PRAMEF20: variants seen among roughly 807,000 people sequenced by gnomAD.
The protein encoded by PRAMEF20 is PRAME family member 20/21.
Under a neutral mutation model 32.4 loss-of-function variants are expected in PRAMEF20, and 27 were observed. The ratio of observed to expected loss-of-function variants is 0.83; its 90% CI spans 0.61 to 1.15. The LOEUF (loss-of-function observed/expected upper bound fraction) is 1.15. Ranked by LOEUF, PRAMEF20 falls within the 50% of genes most tolerant of loss-of-function variation. The pLI is 0.00. For missense variants in PRAMEF20, 604 were observed against 584.5 expected (o/e 1.03, Z -0.34); for synonymous variants, 256 against 235.4 (o/e 1.09, Z -0.80).
At chr1:13,411,341 C>A in the PRAMEF20 span, among the ~76,000 whole-genome samples, 4 of 152,004 alleles carry the variant, frequency 2.6e-5, no homozygotes, top group South Asian at 2.1e-4. Flanking sequence ...CCCTCCCCCC[C>A]ACCGCCAAAA....
upstream of PRAMEF20, among the ~76,000 whole-genome samples, chr1:13,415,801 AAGGGAGGG>A (rs1265811170): frequency 2.2e-5 from 3 of 137,552 alleles, no homozygotes; most frequent in Admixed American, 7.2e-5. Flanking sequence ...AAAAAGAACA[AAGGGAGGG>A]AGGGAGGGAG....
chr1:13,421,082 A>G, exon 3 of PRAMEF20: 5 of 1,613,760 alleles, frequency 3.1e-6, no homozygotes, highest in Non-Finnish European at 4.2e-6. Context: ...CCCGCGGGAG[A>G]GTTATGATGT....
At chr1:13,419,641 G>T (rs1162620256) in intron 2 of PRAMEF20, among the ~76,000 whole-genome samples, 5 of 151,834 alleles carry the variant, frequency 3.3e-5, no homozygotes, top group African/African-American at 4.8e-5. Flanking sequence ...AGCCAGGATG[G>T]TCTCGATCTC....
intron 1 of PRAMEF20, among the ~76,000 whole-genome samples, chr1:13,417,908 A>ATGTGTG (rs1367279496): frequency 4.7e-5 from 2 of 42,510 alleles, no homozygotes; most frequent in East Asian, 9.2e-4. Context: ...CGCCCGGCTA[A>ATGTGTG]TTTGTGTGTG....
chr1:13,413,117 T>C (rs1224648252), upstream of PRAMEF20, among the ~76,000 whole-genome samples: 1 of 152,210 alleles, frequency 6.6e-6, no homozygotes, highest in Non-Finnish European at 1.5e-5. Context: ...TTCTGTCTAA[T>C]GTCAGGAAGA....
upstream of PRAMEF20, among the ~76,000 whole-genome samples, chr1:13,411,384 A>C (rs1641112702): frequency 6.6e-6 from 1 of 150,562 alleles, no homozygotes; most frequent in Non-Finnish European, 1.5e-5. Context: ...AACAATATCC[A>C]ATTAATTGAA....
chr1:13,419,951 C>T (rs1317359407), intron 2 of PRAMEF20, among the ~76,000 whole-genome samples: 1 of 152,056 alleles, frequency 6.6e-6, no homozygotes, highest in Non-Finnish European at 1.5e-5. Flanking sequence ...GGGTCAGGGA[C>T]CAGGCACAAA....
chr1:13,410,635 T>G, the PRAMEF20 span: 1 of 150,112 alleles, frequency 6.7e-6, no homozygotes, highest in East Asian at 2.0e-4. Context: ...TTTTTTTTTT[T>G]GTATGAACAA....
At chr1:13,411,496 T>C (rs997479698), upstream of PRAMEF20, among the ~76,000 whole-genome samples, 2 of 152,150 alleles carry the variant, frequency 1.3e-5, no homozygotes, top group African/African-American at 2.4e-5. Flanking sequence ...AATCCTACAA[T>C]TGCGGTTTTG....
At chr1:13,413,550 A>T (rs912768342), upstream of PRAMEF20, among the ~76,000 whole-genome samples, 1 of 151,996 alleles carries the variant, frequency 6.6e-6, no homozygotes, top group African/African-American at 2.4e-5. Flanking sequence ...TTTTTGGTAC[A>T]GATAGGGTTT....
the PRAMEF20 span, chr1:13,410,450 A>T: frequency 6.6e-6 from 1 of 151,894 alleles, no homozygotes; most frequent in Non-Finnish European, 1.5e-5. Context: ...CACAGGAGAG[A>T]CCCAAAGTCT....
chr1:13,418,614 C>A, exon 2 of PRAMEF20: 2 of 1,613,972 alleles, frequency 1.2e-6, no homozygotes, highest in Non-Finnish European at 1.7e-6. Flanking sequence ...CCCAGTTCAC[C>A]ACTCAGTTCC....
At chr1:13,414,197 A>G (rs1569864003), upstream of PRAMEF20, among the ~76,000 whole-genome samples, 1 of 142,152 alleles carries the variant, frequency 7.0e-6, no homozygotes, top group African/African-American at 2.7e-5. Context: ...ACCCGCCATC[A>G]CACCTGACTA....
chr1:13,418,275 G>A (rs1641204628), exon 2 of PRAMEF20: 1 of 1,613,720 alleles, frequency 6.2e-7, no homozygotes, highest in Non-Finnish European at 8.5e-7. Flanking sequence ...AGCAGCCCTT[G>A]ACTGTGTTCA....
exon 3 of PRAMEF20, chr1:13,420,953 C>T (rs1277004503): frequency 1.1e-5 from 17 of 1,613,562 alleles, no homozygotes; most frequent in East Asian, 2.2e-5. Context: ...TGCCCTGAGC[C>T]GCTGCTTTGA....
upstream of PRAMEF20, among the ~76,000 whole-genome samples, chr1:13,414,352 C>T (rs889736884): frequency 6.6e-6 from 1 of 152,244 alleles, no homozygotes; most frequent in South Asian, 2.1e-4. Flanking sequence ...AGCCACCTCA[C>T]CCAGCCTTCT....
chr1:13,421,216 C>A, exon 3 of PRAMEF20: 1 of 1,613,940 alleles, frequency 6.2e-7, no homozygotes, highest in African/African-American at 1.3e-5. Context: ...AGTGTGGCAA[C>A]AGGTCACTTT....
At chr1:13,418,047 T>A in intron 1 of PRAMEF20, 75 bp from the exon 3 acceptor site, 3 of 1,604,644 alleles carry the variant, frequency 1.9e-6, no homozygotes, top group Non-Finnish European at 2.6e-6. Flanking sequence ...GTGCTGGGAT[T>A]ACAAGCGTGA....
upstream of PRAMEF20, among the ~76,000 whole-genome samples, chr1:13,414,865 T>C (rs897086184): frequency 6.6e-6 from 1 of 152,106 alleles, no homozygotes; most frequent in Admixed American, 6.5e-5. Flanking sequence ...AGTGGCTCAA[T>C]CTCAGCTCAC....
Sources: allele counts gnomAD v4.1 joint callset (sites outside exome capture counted in the v4.1 genomes callset), GRCh38; gene constraint gnomAD v4.1.1; transcripts MANE v1.5; gene names NCBI Gene and HGNC (gene_info 2026-07-23, HGNC 2026-07-21).